ZNF804B: variants seen among roughly 807,000 people sequenced by gnomAD.
The protein encoded by ZNF804B is zinc finger 804B.
Under a neutral mutation model 101.4 loss-of-function variants are expected in ZNF804B, and 80 were observed. The ratio of observed to expected loss-of-function variants is 0.79; its 90% CI spans 0.66 to 0.95. ZNF804B has a LOEUF of 0.95. Among genes scored for constraint, ZNF804B ranks in the 40% least tolerant of loss-of-function variants. The pLI, the probability that ZNF804B is intolerant of heterozygous loss-of-function variation, is 0.00. For missense variants in ZNF804B, 1,673 were observed against 1,561.9 expected (o/e 1.07, Z -1.20); for synonymous variants, 622 against 558.8 (o/e 1.11, Z -1.59).
chr7:89,016,968 G>C (rs1562861074), intron 1 of ZNF804B, among the ~76,000 whole-genome samples: 3 of 152,158 alleles, frequency 2.0e-5, no homozygotes, highest in Admixed American at 2.0e-4. Context: ...CTACCCATGA[G>C]CATGGAATGT....
At chr7:89,206,308 C>T (rs1788713713) in intron 1 of ZNF804B, among the ~76,000 whole-genome samples, 1 of 152,238 alleles carries the variant, frequency 6.6e-6, no homozygotes, top group South Asian at 2.1e-4. Flanking sequence ...ATTACTTATG[C>T]AAATTTCTGC....
In ZNF804B at chr7:89,048,724, T is replaced by C. The variant is rs914049651; in HGVS notation, c.109-169431T>C. Among the ~76,000 whole-genome samples the C allele has an allele frequency of 2.0e-4, 30 of 151,906 alleles. 1 individual carries two copies. The highest frequency in any genetic ancestry group is 1.5e-5 in the Non-Finnish European group (1 of 68,014). On this transcript the variant is annotated intron_variant, in intron 1 of 3. Transcript: ENST00000333190. ...AGAGACTGTTTATATAATTTTTTGA[T>C]TTAAAAAACTCATTTCAATTAATTG...
chr7:88,823,671 C>T (rs1039612003), intron 1 of ZNF804B, among the ~76,000 whole-genome samples: 5 of 152,000 alleles, frequency 3.3e-5, no homozygotes, highest in African/African-American at 9.7e-5. Flanking sequence ...TTCTCAGTCC[C>T]CAGGTACCAT....
At chr7:88,822,536 C>A (rs1790998728) in intron 1 of ZNF804B, among the ~76,000 whole-genome samples, 1 of 152,068 alleles carries the variant, frequency 6.6e-6, no homozygotes, top group African/African-American at 2.4e-5. Flanking sequence ...AGCATAAGAA[C>A]AATTGAACAA....
chr7:89,227,192 T>G (rs1331669903), intron 2 of ZNF804B, among the ~76,000 whole-genome samples: 1 of 152,244 alleles, frequency 6.6e-6, no homozygotes, highest in Non-Finnish European at 1.5e-5. Context: ...AAAGGATACA[T>G]ATGAGATAAA....
chr7:89,166,966 G>A (rs1018601190), intron 1 of ZNF804B, among the ~76,000 whole-genome samples: 1 of 151,910 alleles, frequency 6.6e-6, no homozygotes. Flanking sequence ...AGGTAGGGTC[G>A]GTATTTGTGT....
At chr7:88,873,290 G>A (rs1465093997) in intron 1 of ZNF804B, among the ~76,000 whole-genome samples, 1 of 152,154 alleles carries the variant, frequency 6.6e-6, no homozygotes, top group Non-Finnish European at 1.5e-5. Context: ...GTCTGTTCAT[G>A]TCCTTTGCAC....
In ZNF804B at chr7:89,241,717, G is replaced by A. The variant is rs566067200; in HGVS notation, c.249+23422G>A. Among the ~76,000 whole-genome samples, 48 of 152,068 alleles carry A rather than the reference G, an allele frequency of 3.2e-4. No homozygotes were observed. In the Middle Eastern group the frequency reaches 0.01, roughly 33 times the overall value. ...GTGGTCACCAATGTGATAAATCTGA[G>A]GGTTGCATATGAAGAGTTCACACAT... is the stretch of plus-strand genomic sequence containing the variant. On this transcript the variant is annotated intron_variant, in intron 2 of 3. Coordinates refer to ENST00000333190, the MANE Select transcript of ZNF804B (RefSeq NM_181646.5).
intron 1 of ZNF804B, among the ~76,000 whole-genome samples, chr7:89,198,133 C>T (rs1211825054): frequency 6.6e-6 from 1 of 151,616 alleles, no homozygotes; most frequent in African/African-American, 2.4e-5. Flanking sequence ...ATTTTTATTG[C>T]AATACTAGCT....
At chr7:88,887,150 G>T (rs183583660) in intron 1 of ZNF804B, among the ~76,000 whole-genome samples, 2 of 141,502 alleles carry the variant, frequency 1.4e-5, no homozygotes, top group African/African-American at 5.5e-5. Context: ...CCTGTAATAG[G>T]CAGCACCATC....
At chr7:89,037,869 A>G (rs1788953088) in intron 1 of ZNF804B, among the ~76,000 whole-genome samples, 1 of 152,114 alleles carries the variant, frequency 6.6e-6, no homozygotes, top group African/African-American at 2.4e-5. Flanking sequence ...TATAAGTTCA[A>G]CTTGTTTAGA....
At chr7:88,913,375 T>C (rs896151714) in intron 1 of ZNF804B, among the ~76,000 whole-genome samples, 2 of 152,158 alleles carry the variant, frequency 1.3e-5, no homozygotes, top group Non-Finnish European at 2.9e-5. Context: ...GTATCTTTTA[T>C]ATTCTCAAGG....
chr7:89,332,087 A>G (rs1334403976), intron 3 of ZNF804B, among the ~76,000 whole-genome samples: 1 of 151,522 alleles, frequency 6.6e-6, no homozygotes, highest in Non-Finnish European at 1.5e-5. Flanking sequence ...CTTTATAAGA[A>G]GGGAAAAGCA....
At chr7:89,157,725 T>C (rs1311677416) in intron 1 of ZNF804B, among the ~76,000 whole-genome samples, 3 of 152,254 alleles carry the variant, frequency 2.0e-5, no homozygotes, top group Non-Finnish European at 2.9e-5. Flanking sequence ...AGTTCAAATG[T>C]TTTTCCATCT....
intron 1 of ZNF804B, among the ~76,000 whole-genome samples, chr7:88,778,875 A>C (rs868657089): frequency 1.3e-5 from 2 of 152,324 alleles, no homozygotes; most frequent in Middle Eastern, 3.4e-3. Flanking sequence ...GCAGTCTAGC[A>C]TGGAAAGTGC....
intron 1 of ZNF804B, among the ~76,000 whole-genome samples, chr7:88,918,693 T>C (rs1444244982): frequency 6.6e-6 from 1 of 152,172 alleles, no homozygotes; most frequent in Non-Finnish European, 1.5e-5. Flanking sequence ...TTACACATAT[T>C]GGAAAACCAA....
intron 1 of ZNF804B, among the ~76,000 whole-genome samples, chr7:89,196,058 G>T (rs1210320317): frequency 6.6e-6 from 1 of 151,714 alleles, no homozygotes; most frequent in Non-Finnish European, 1.5e-5. Context: ...AACTATCTTA[G>T]AATTCATATG....
chr7:88,930,315 G>A (rs1322662842), intron 1 of ZNF804B, among the ~76,000 whole-genome samples: 1 of 151,920 alleles, frequency 6.6e-6, no homozygotes, highest in East Asian at 1.9e-4. Flanking sequence ...AATTTGGCCA[G>A]TGATCTGCAT....
intron 1 of ZNF804B, among the ~76,000 whole-genome samples, chr7:89,016,460 T>C (rs1788560518): frequency 6.6e-6 from 1 of 151,834 alleles, no homozygotes; most frequent in Admixed American, 6.6e-5. Flanking sequence ...CTAGGGTTTT[T>C]ATGGTTTTAG....
Sources: gnomAD v4.1 joint callset for allele counts (sites outside exome capture counted in the v4.1 genomes callset) on GRCh38, gnomAD v4.1.1 for gene constraint, MANE v1.5 for transcripts, NCBI Gene and HGNC (gene_info 2026-07-23, HGNC 2026-07-21) for gene names.